Variants in LHFPL3 observed in about 807,000 individuals in gnomAD.
The protein encoded by LHFPL3 is LHFPL tetraspan subfamily member 3.
LHFPL3 carries 5 observed loss-of-function variants against 19.3 expected under a neutral mutation model. That is an observed-to-expected ratio of 0.26 (90% CI 0.14 to 0.54). The LOEUF is 0.54. Among genes scored for constraint, LHFPL3 ranks in the 20% least tolerant of loss-of-function variants. The pLI is 0.94. For synonymous variants in LHFPL3, 133 were observed against 126.2 expected (o/e 1.05, Z -0.36); for missense variants, 249 against 307.4 (o/e 0.81, Z 1.42).
chr7:104,460,273 C>T (rs545698529), intron 1 of LHFPL3, among the ~76,000 whole-genome samples: 1 of 152,216 alleles, frequency 6.6e-6, no homozygotes, highest in East Asian at 1.9e-4. Flanking sequence ...CAGTTGATTC[C>T]ATGTCTTTGC....
At chr7:104,417,874 TC>T (rs1562890967) in intron 1 of LHFPL3, among the ~76,000 whole-genome samples, 1,425 of 128,850 alleles carry the variant, frequency 0.011, 33 homozygotes, top group African/African-American at 0.041. Context: ...TTCTTCTTCT[TC>T]TTCTTCTTCT....
chr7:104,501,497 T>G (rs1398945972), intron 1 of LHFPL3, among the ~76,000 whole-genome samples: 7 of 152,184 alleles, frequency 4.6e-5, no homozygotes, highest in Admixed American at 1.3e-4. Flanking sequence ...AGGCACTTTT[T>G]TTTGCATGAG....
intron 1 of LHFPL3, among the ~76,000 whole-genome samples, chr7:104,615,893 A>G (rs919718937): frequency 1.3e-5 from 2 of 152,154 alleles, no homozygotes; most frequent in African/African-American, 4.8e-5. Flanking sequence ...CACAATTGCT[A>G]CAAAGAGAAT....
intron 1 of LHFPL3, among the ~76,000 whole-genome samples, chr7:104,671,996 A>G (rs56299330): frequency 0.071 from 10,793 of 152,182 alleles, 642 homozygotes; most frequent in African/African-American, 0.16. Flanking sequence ...GCAAGCAAGT[A>G]GGAGAAGGTT....
At chr7:104,861,557 T>C (rs1791619322) in intron 2 of LHFPL3, among the ~76,000 whole-genome samples, 1 of 152,116 alleles carries the variant, frequency 6.6e-6, no homozygotes, top group African/African-American at 2.4e-5. Flanking sequence ...AGAGCTGTTA[T>C]CTAATGCTGG....
chr7:104,599,838 A>G (rs981658635), intron 1 of LHFPL3, among the ~76,000 whole-genome samples: 10 of 152,186 alleles, frequency 6.6e-5, no homozygotes, highest in African/African-American at 2.4e-4. Context: ...TGCTAGCCAA[A>G]CATCAGCAAT....
chr7:104,475,235 T>C (rs1792987928), intron 1 of LHFPL3, among the ~76,000 whole-genome samples: 1 of 152,164 alleles, frequency 6.6e-6, no homozygotes, highest in African/African-American at 2.4e-5. Flanking sequence ...TTCATGGGAA[T>C]AAAATGGTGC....
chr7:104,527,192 G>A (rs1794204933), intron 1 of LHFPL3, among the ~76,000 whole-genome samples: 1 of 152,148 alleles, frequency 6.6e-6, no homozygotes, highest in Admixed American at 6.6e-5. Flanking sequence ...TTGGGCAGGG[G>A]GCGGATATTG....
At chr7:104,445,362 G>T (rs192522421) in intron 1 of LHFPL3, among the ~76,000 whole-genome samples, 1 of 152,152 alleles carries the variant, frequency 6.6e-6, no homozygotes, top group African/African-American at 2.4e-5. Flanking sequence ...CTTACTACTT[G>T]TATCCTTGGG....
chr7:104,669,512 G>A lies in LHFPL3; in HGVS notation c.446-67163G>A, dbSNP rs561107102. ...CCAGCTTCCAAGTTCAGTTCTGCAA[G>A]CAAGTATGCTGCTCTCTCTGTTGAT... On this transcript the variant is annotated intron_variant, in intron 1 of 2. Coordinates refer to ENST00000424859, the MANE Select transcript of LHFPL3 (RefSeq NM_199000.3). The A allele has an allele frequency of 3.7e-5, 59 of 1,611,920 alleles. No individual in the cohort carries two copies. In the Admixed American group the frequency reaches 7.2e-4, roughly 20 times the overall value.
At chr7:104,420,879 A>G (rs1393637400) in intron 1 of LHFPL3, among the ~76,000 whole-genome samples, 1 of 152,212 alleles carries the variant, frequency 6.6e-6, no homozygotes, top group African/African-American at 2.4e-5. Flanking sequence ...GGGTGAATTC[A>G]GTATAGTAGC....
chr7:104,542,558 C>A (rs1794506142), intron 1 of LHFPL3, among the ~76,000 whole-genome samples: 1 of 152,052 alleles, frequency 6.6e-6, no homozygotes, highest in Admixed American at 6.6e-5. Context: ...CTCTACCTTC[C>A]CCAAAGTGGA....
intron 1 of LHFPL3, among the ~76,000 whole-genome samples, chr7:104,428,342 G>A (rs561338816): frequency 6.6e-6 from 1 of 152,238 alleles, no homozygotes; most frequent in East Asian, 1.9e-4. Context: ...GCATGCTATT[G>A]TCTAACTAAA....
Position 104,328,643 on chromosome 7 carries a change from G to A in LHFPL3, c.-137G>A. 1.3e-6 allele frequency: 1 copy of A among 764,060 alleles called. No individual in the cohort carries two copies. The highest frequency in any genetic ancestry group is 2.1e-6 in the Non-Finnish European group (1 of 472,040). 47.3% of individuals were successfully genotyped at this position (764,060 alleles called of 1,614,324 possible). On this transcript the variant is annotated 5_prime_UTR_variant, in exon 1 of 3. Coordinates refer to ENST00000424859, the MANE Select transcript of LHFPL3 (RefSeq NM_199000.3). The surrounding 1 kb of genome is among the most constrained non-coding windows in gnomAD (Gnocchi z 4.6). Reference sequence around the variant, plus strand: ...TTCCGGGAGCGAGGATGCAGACTCTGAAACTGGTGCTGCTGGGCTGAGGCG... The same window carrying A: ...TTCCGGGAGCGAGGATGCAGACTCTAAAACTGGTGCTGCTGGGCTGAGGCG...
intron 1 of LHFPL3, among the ~76,000 whole-genome samples, chr7:104,520,455 G>T (rs937368674): frequency 2.4e-4 from 35 of 147,608 alleles, no homozygotes; most frequent in Non-Finnish European, 4.5e-4. Flanking sequence ...GATGATGCTG[G>T]CCTCGTAAAA....
At chr7:104,519,311 G>A (rs936285023) in intron 1 of LHFPL3, among the ~76,000 whole-genome samples, 4 of 152,130 alleles carry the variant, frequency 2.6e-5, no homozygotes, top group Non-Finnish European at 5.9e-5. Flanking sequence ...GGCCTGCTCT[G>A]GCTGAAGGTG....
intron 2 of LHFPL3, among the ~76,000 whole-genome samples, chr7:104,850,147 A>G (rs1325745626): frequency 6.6e-6 from 1 of 152,128 alleles, no homozygotes; most frequent in African/African-American, 2.4e-5. Context: ...TACTAAAAAT[A>G]CAAAATTAGC....
intron 2 of LHFPL3, among the ~76,000 whole-genome samples, chr7:104,778,312 G>A (rs1228096761): frequency 1.3e-5 from 2 of 152,072 alleles, no homozygotes; most frequent in African/African-American, 2.4e-5. Flanking sequence ...GTGCAGAGGC[G>A]GTGACCCTAC....
At chr7:104,810,791 T>C (rs1013724354) in intron 2 of LHFPL3, among the ~76,000 whole-genome samples, 6 of 152,240 alleles carry the variant, frequency 3.9e-5, no homozygotes, top group African/African-American at 1.4e-4. Flanking sequence ...CAAGTGAAGA[T>C]TTCAAGTAGG....
Sources: gnomAD v4.1 joint callset for allele counts (sites outside exome capture counted in the v4.1 genomes callset) on GRCh38, gnomAD v4.1.1 for gene constraint, Gnocchi (gnomAD v3.1) non-coding constraint, MANE v1.5 for transcripts, NCBI Gene and HGNC (gene_info 2026-07-23, HGNC 2026-07-21) for gene names.